The following PAK5 variants were observed in gnomAD, a reference collection of about 807,000 sequenced individuals.
The protein encoded by PAK5 is serine/threonine-protein kinase PAK 5.
Under a neutral mutation model 65.9 loss-of-function variants are expected in PAK5, and 16 were observed. The ratio of observed to expected loss-of-function variants is 0.24; its 90% CI spans 0.16 to 0.37. PAK5 has a LOEUF of 0.37. Among genes scored for constraint, PAK5 ranks in the 10% least tolerant of loss-of-function variants. The pLI is 1.00. For synonymous variants in PAK5, 371 were observed against 354.9 expected, an observed-to-expected ratio of 1.05 and a Z score of -0.51; for missense variants, 785 against 903.9, an observed-to-expected ratio of 0.87 and a Z score of 1.69.
chr20:9,571,512 A>G (rs2045780714), intron 4 of PAK5, among the ~76,000 whole-genome samples: 1 of 151,968 alleles, frequency 6.6e-6, no homozygotes, highest in African/African-American at 2.4e-5. Flanking sequence ...TCAGTCCTTC[A>G]CTCCCAGTGG....
chr20:9,663,374 G>C (rs2047372245), intron 2 of PAK5, among the ~76,000 whole-genome samples: 1 of 152,112 alleles, frequency 6.6e-6, no homozygotes, highest in Non-Finnish European at 1.5e-5. Flanking sequence ...TGTCTAAGAG[G>C]TATTTAATGT....
chr20:9,784,234 T>C (rs2048970189), intron 1 of PAK5: 1 of 152,210 alleles, frequency 6.6e-6, no homozygotes, highest in Non-Finnish European at 1.5e-5. Context: ...ACTGCTAAGA[T>C]ACAGGATTGC....
At chr20:9,609,993 T>G (rs1302530145) in intron 3 of PAK5, among the ~76,000 whole-genome samples, 2 of 152,174 alleles carry the variant, frequency 1.3e-5, no homozygotes, top group African/African-American at 4.8e-5. Flanking sequence ...GTAGCTTTTG[T>G]TTTGTTTTGT....
rs747218098 is a variant in PAK5 at position 9,580,478 on chromosome 20, A to G, written c.657T>C (p.Tyr219=). The change falls in exon 4 of 10, where the codon TAT becomes TAC. Residue 219 remains tyrosine (Y), a synonymous_variant. Coordinates refer to ENST00000353224, the MANE Select transcript of PAK5 (RefSeq NM_177990.4). ...GAGGGGAGCTACTCGAGGCTCTCTG[A>G]TACTCCCACTTGAGGTCACTGTATT... is the stretch of plus-strand genomic sequence containing the variant. The part of the protein sequence containing the change: ...PSEYSDLKWE[Y]QRASSSSPLD... 31 of 1,613,836 alleles carry G rather than the reference A, an allele frequency of 1.9e-5. No homozygotes were observed. In the East Asian group the frequency reaches 6.0e-4, roughly 31 times the overall value.
intron 4 of PAK5, among the ~76,000 whole-genome samples, chr20:9,579,579 G>A (rs2045942810): frequency 6.6e-6 from 1 of 152,100 alleles, no homozygotes; most frequent in Non-Finnish European, 1.5e-5. Flanking sequence ...GCAACCATCT[G>A]TCACCCCCAA....
In PAK5 at chr20:9,544,379, TA is replaced by T; in HGVS notation, c.1858del (p.Tyr620MetfsTer14). 6.2e-7 allele frequency: 1 copy of T among 1,613,936 alleles called. No homozygotes were observed. The highest frequency in any genetic ancestry group is 8.5e-7 in the Non-Finnish European group (1 of 1,179,954). ...CTGTGACCCCCTTACCTCTGTCCCATAAGGTAGCCTAGAAATCACCTCAGGG... is the reference window on the plus strand; with the variant it reads ...CTGTGACCCCCTTACCTCTGTCCCATAGGTAGCCTAGAAATCACCTCAGGG... ...MAPEVISRLP[Y>X]GTEVDIWSLG... On this transcript the variant is annotated frameshift_variant, in exon 8 of 10. Transcript: ENST00000353224. LOFTEE classifies it high-confidence loss of function.
intron 7 of PAK5, 69 bp from the exon 8 acceptor site, chr20:9,544,563 C>CA: frequency 7.0e-7 from 1 of 1,431,610 alleles, no homozygotes; most frequent in South Asian, 1.2e-5. Context: ...AAAATACAAA[C>CA]ATACAGAGTT....
At chr20:9,747,468 A>G (rs570416214) in intron 1 of PAK5, among the ~76,000 whole-genome samples, 1 of 151,750 alleles carries the variant, frequency 6.6e-6, no homozygotes, top group Non-Finnish European at 1.5e-5. Context: ...CCAGCAGCAC[A>G]TCAAAAAGCT....
intron 1 of PAK5, among the ~76,000 whole-genome samples, chr20:9,796,183 A>T (rs927763653): frequency 6.6e-6 from 1 of 152,104 alleles, no homozygotes; most frequent in Non-Finnish European, 1.5e-5. Flanking sequence ...TCTTAGATCT[A>T]CTAGAAGAGA....
chr20:9,759,744 C>A (rs117064492), intron 1 of PAK5, among the ~76,000 whole-genome samples: 4 of 152,046 alleles, frequency 2.6e-5, no homozygotes, highest in Admixed American at 1.3e-4. Context: ...AACCCAGCTA[C>A]GAAATGACTC....
intron 1 of PAK5, among the ~76,000 whole-genome samples, chr20:9,713,805 G>C (rs561646148): frequency 6.6e-6 from 1 of 152,156 alleles, no homozygotes; most frequent in Admixed American, 6.5e-5. Flanking sequence ...AAAAAATGTA[G>C]ACCTCACGGA....
chr20:9,805,354 C>T (rs998158495), intron 1 of PAK5, among the ~76,000 whole-genome samples: 4 of 152,118 alleles, frequency 2.6e-5, no homozygotes, highest in African/African-American at 9.7e-5. Flanking sequence ...TACGACATAG[C>T]AATTCCACTT....
chr20:9,586,160 A>T (rs1234392844), intron 3 of PAK5, among the ~76,000 whole-genome samples: 1 of 152,204 alleles, frequency 6.6e-6, no homozygotes, highest in Non-Finnish European at 1.5e-5. Context: ...ATGTCCAAAA[A>T]ACCTATTAGT....
chr20:9,784,857 T>C (rs975811356), intron 1 of PAK5, among the ~76,000 whole-genome samples: 10 of 151,832 alleles, frequency 6.6e-5, no homozygotes, highest in Non-Finnish European at 1.5e-4. Flanking sequence ...AATTTCGCAG[T>C]CTGCCTTACC....
intron 1 of PAK5, among the ~76,000 whole-genome samples, chr20:9,758,880 C>T (rs1022738165): frequency 1.7e-4 from 26 of 152,090 alleles, no homozygotes; most frequent in African/African-American, 6.0e-4. Flanking sequence ...GAGGCCATGT[C>T]TAAGGAAAAG....
chr20:9,735,003 G>T (rs988057512), intron 1 of PAK5, among the ~76,000 whole-genome samples: 1 of 152,122 alleles, frequency 6.6e-6, no homozygotes, highest in Admixed American at 6.5e-5. Context: ...TACAGGAAAA[G>T]GATTTTTCAT....
At chr20:9,611,509 CTTTT>C (rs2046559544) in intron 3 of PAK5, among the ~76,000 whole-genome samples, 1 of 152,174 alleles carries the variant, frequency 6.6e-6, no homozygotes, top group Admixed American at 6.5e-5. Flanking sequence ...ATCAAAAGCT[CTTTT>C]CTTGTCACTT....
intron 1 of PAK5, among the ~76,000 whole-genome samples, chr20:9,781,601 A>G (rs2048941034): frequency 1.3e-5 from 2 of 152,060 alleles, no homozygotes; most frequent in African/African-American, 2.4e-5. Flanking sequence ...GCATGCCTAA[A>G]CCTGAATTCC....
intron 2 of PAK5, among the ~76,000 whole-genome samples, chr20:9,664,963 G>A (rs1480422973): frequency 6.6e-6 from 1 of 151,788 alleles, no homozygotes; most frequent in East Asian, 1.9e-4. Context: ...GTCTTGTTCT[G>A]TTGCCCAGGC....
Sources: allele counts gnomAD v4.1 joint callset (sites outside exome capture counted in the v4.1 genomes callset), GRCh38; gene constraint gnomAD v4.1.1; transcripts MANE v1.5; gene names NCBI Gene and HGNC (gene_info 2026-07-23, HGNC 2026-07-21).